CHMP7: variants seen among roughly 807,000 people sequenced by gnomAD.
CHMP7 encodes CHMP family, member 7.
CHMP7 carries 15 observed loss-of-function variants against 53.7 expected under a neutral mutation model. The ratio of observed to expected loss-of-function variants is 0.28; its 90% CI spans 0.19 to 0.43. The LOEUF (loss-of-function observed/expected upper bound fraction) is 0.43, where lower values mean the gene tolerates loss of function less well. CHMP7 is among the 20% of genes least tolerant of loss of function. The pLI is 1.00. For synonymous variants in CHMP7, 261 were observed against 228.0 expected (o/e 1.14, Z -1.30); for missense variants, 527 against 569.4 (o/e 0.93, Z 0.76).
intron 9 of CHMP7, among the ~76,000 whole-genome samples, chr8:23,259,649 C>T (rs1345751100): frequency 6.6e-6 from 1 of 152,188 alleles, no homozygotes; most frequent in Non-Finnish European, 1.5e-5. Flanking sequence ...TGAGCCACCA[C>T]ACCTGGCCCA....
chr8:23,244,339 C>T lies in CHMP7; in HGVS notation c.-441+495C>T, dbSNP rs550801204. ...TTTGTGAATGGTGTAAGATCTGTACCTGGATTTGTTTTTGTTTTTGCATGT... is the reference window on the plus strand; with the variant it reads ...TTTGTGAATGGTGTAAGATCTGTACTTGGATTTGTTTTTGTTTTTGCATGT... On this transcript the variant is annotated intron_variant, in intron 1 of 10. Transcript: ENST00000397677. 1.1e-4 allele frequency among the ~76,000 whole-genome samples: 17 copies of T among 152,214 alleles called. No homozygotes were observed. The South Asian group carries it at 3.5e-3, about 32-fold the overall frequency.
At position 23,256,590 on chromosome 8, in the gene CHMP7, A is replaced by G; in HGVS notation, c.788A>G (p.Glu263Gly). ...GTGGAGTCCTTATCCCAGGAAGCAG[A>G]GAGGTAACTTTTAACCCTGAACTGA... is the stretch of plus-strand genomic sequence containing the variant. ...RKVESLSQEA[E>G]RCKEEARRAC... is the part of the protein sequence containing the mutation. The change falls in exon 5 of 11, where the codon GAG (glutamate) becomes GGG (glycine). Residue 263 changes from glutamate (E) to glycine (G), a missense_variant. Coordinates refer to ENST00000397677, the MANE Select transcript of CHMP7 (RefSeq NM_152272.5). 1 of 1,613,824 alleles carries G rather than the reference A, an allele frequency of 6.2e-7. No individual in the cohort carries two copies. The highest frequency in any genetic ancestry group is 8.5e-7 in the Non-Finnish European group (1 of 1,179,860).
intron 1 of CHMP7, among the ~76,000 whole-genome samples, chr8:23,244,564 A>G (rs1451727810): frequency 6.6e-6 from 1 of 152,140 alleles, no homozygotes; most frequent in East Asian, 1.9e-4. Context: ...TAATTCTTGA[A>G]GTTGGGTTGT....
intron 5 of CHMP7, among the ~76,000 whole-genome samples, chr8:23,257,694 G>T (rs1001484629): frequency 2.0e-5 from 3 of 152,224 alleles, no homozygotes; most frequent in African/African-American, 7.2e-5. Flanking sequence ...GCCTTGTTGG[G>T]AGGCAGAGGA....
At chr8:23,258,909 T>C (rs544753592) in intron 8 of CHMP7, 79 bp downstream of exon 8, 3 of 1,129,470 alleles carry the variant, frequency 2.7e-6, no homozygotes, top group East Asian at 2.4e-5. Context: ...ACATCCTCTT[T>C]AACGAAACCT....
At chr8:23,258,666 A>G (rs1802237238) in intron 7 of CHMP7, 66 bp from the exon 8 acceptor site, 1 of 1,316,646 alleles carries the variant, frequency 7.6e-7, no homozygotes, top group Non-Finnish European at 1.1e-6. Flanking sequence ...TTTGGAGTTG[A>G]AACAATATTG....
At chr8:23,260,085 A>G (rs566486667) in intron 9 of CHMP7, 59 bp from the exon 10 acceptor site, 16 of 1,425,918 alleles carry the variant, frequency 1.1e-5, no homozygotes, top group South Asian at 5.9e-5. Flanking sequence ...TCAGTCCTGT[A>G]CTCATTAATG....
chr8:23,249,490 A>C, intron 3 of CHMP7, 109 bp downstream of exon 3: 1 of 820,760 alleles, frequency 1.2e-6, no homozygotes, highest in South Asian at 2.1e-5. Flanking sequence ...TTACATGGCT[A>C]CTGAGTTGAT....
At chr8:23,257,172 C>T (rs1231948099) in intron 5 of CHMP7, among the ~76,000 whole-genome samples, 1 of 149,670 alleles carries the variant, frequency 6.7e-6, no homozygotes, top group Non-Finnish European at 1.5e-5. Flanking sequence ...GATCTTAGCT[C>T]ACTGCAGTCT....
rs1181574177 is a variant in CHMP7, at chr8:23,255,306, G to A, written c.531G>A (p.Val177=). 5 of 1,614,052 alleles carry A rather than the reference G, an allele frequency of 3.1e-6. No individual in the cohort carries two copies. The highest frequency in any genetic ancestry group is 2.7e-5 in the African/African-American group (2 of 74,926). The change falls in exon 4 of 11, where the codon GTG becomes GTA. Residue 177 remains valine (V), a synonymous_variant. Coordinates refer to ENST00000397677, the MANE Select transcript of CHMP7 (RefSeq NM_152272.5). ...ACTCGCCCCTCTCCTCCCACCCCGT[G>A]GTGGCCCTGTCAGAGCTCAGCACCC... ...YQNSPLSSHP[V]VALSELSTLC... is the part of the protein sequence containing the mutation.
At chr8:23,254,881 C>T (rs1159961523) in intron 3 of CHMP7, 3 of 348,772 alleles carry the variant, frequency 8.6e-6, no homozygotes, top group Non-Finnish European at 1.1e-5. Flanking sequence ...GTCACCCAGG[C>T]TAGGCTGGAA....
chr8:23,246,878 G>A lies in CHMP7; in HGVS notation c.183G>A (p.Leu61=). 6.3e-7 allele frequency: 1 copy of A among 1,590,906 alleles called. No homozygotes were observed. Among genetic ancestry groups the A allele is most frequent in the Non-Finnish European group, 8.5e-7 (1 of 1,169,602 alleles). The change falls in exon 2 of 11, where the codon CTG becomes CTA. Residue 61 remains leucine, a synonymous_variant. Transcript: ENST00000397677. The stretch of plus-strand genomic sequence containing the variant: ...TGGGCTTCTGGGCGCCGTTGGTGCT[G>A]AGCCACAGCCGCCGCCAGGGGGTGG... ...SKMGFWAPLV[L]SHSRRQGVVR... is the part of the protein sequence containing the mutation.
intron 5 of CHMP7, 89 bp downstream of exon 5, chr8:23,256,682 A>T: frequency 9.7e-7 from 1 of 1,034,826 alleles, no homozygotes; most frequent in Non-Finnish European, 1.4e-6. Context: ...CTTTTAAAAA[A>T]TAGGTGGGTT....
At position 23,260,642 on chromosome 8, in the gene CHMP7, T is replaced by C. The variant is rs9828; in HGVS notation, c.*43T>C. 0.41 allele frequency: 594,071 copies of C among 1,445,706 alleles called. 130,044 individuals carry two copies. Among genetic ancestry groups the C allele is most frequent in the Middle Eastern group, 0.45 (2,583 of 5,746 alleles). The allele number at this position is 1,445,706 out of a possible 1,614,324, so 89.6% of individuals were successfully genotyped here. ...CCCTCATGTAAAAGAGAGACCAGGC[T>C]TGCTGGGTGTGTACATAGTTATTTA... On this transcript the variant is annotated 3_prime_UTR_variant, in exon 11 of 11. Transcript: ENST00000397677.
chr8:23,254,464 G>A (rs141358378), intron 3 of CHMP7, among the ~76,000 whole-genome samples: 3,956 of 152,056 alleles, frequency 0.026, 73 homozygotes, highest in African/African-American at 0.043. Context: ...GCGCGATCTC[G>A]GCTCACTGCA....
intron 3 of CHMP7, among the ~76,000 whole-genome samples, chr8:23,254,350 A>C (rs997189959): frequency 1.3e-5 from 2 of 152,148 alleles, no homozygotes; most frequent in Admixed American, 1.3e-4. Context: ...TCTTGTCACT[A>C]ATCTTATCCC....
chr8:23,252,579 C>T (rs748071978), intron 3 of CHMP7: 1 of 152,164 alleles, frequency 6.6e-6, no homozygotes, highest in African/African-American at 2.4e-5. Flanking sequence ...TATTGTTTCT[C>T]AGTCTGTTGC....
chr8:23,257,108 T>TC (rs1356362139), intron 5 of CHMP7, among the ~76,000 whole-genome samples: 5 of 147,974 alleles, frequency 3.4e-5, no homozygotes, highest in South Asian at 2.2e-4. Flanking sequence ...TTTTTTTTTT[T>TC]CCTCAATTGA....
Position 23,246,720 on chromosome 8 carries a change from G to A in CHMP7, c.25G>A (p.Glu9Lys), listed in dbSNP as rs747731611. The change falls in exon 2 of 11, where the codon GAG becomes AAG. Residue 9 changes from glutamate (E) to lysine (K), a missense_variant. Coordinates refer to ENST00000397677, the MANE Select transcript of CHMP7 (RefSeq NM_152272.5). Reference protein sequence around the residue: MWSPEREAEAPAGGDPAGL... With the variant: MWSPEREAKAPAGGDPAGL... Reference sequence around the variant, plus strand: ...GATGTGGTCCCCGGAGCGGGAGGCCGAGGCCCCAGCCGGGGGAGACCCGGC... The same window carrying A: ...GATGTGGTCCCCGGAGCGGGAGGCCAAGGCCCCAGCCGGGGGAGACCCGGC... 88 of 1,549,520 alleles carry A rather than the reference G, an allele frequency of 5.7e-5. No homozygotes were observed. The highest frequency in any genetic ancestry group is 5.7e-5 in the Non-Finnish European group (65 of 1,146,986).
Sources: gnomAD v4.1 joint callset for allele counts (sites outside exome capture counted in the v4.1 genomes callset) on GRCh38, gnomAD v4.1.1 for gene constraint, MANE v1.5 for transcripts, NCBI Gene and HGNC (gene_info 2026-07-23, HGNC 2026-07-21) for gene names.